Variants in ANK2 observed in about 807,000 individuals in gnomAD.
ANK2 encodes ankyrin 2, also known as ankyrin-2.
A neutral mutation model predicts 360.5 loss-of-function variants in ANK2; 83 were observed. The observed-to-expected ratio is 0.23, with a 90% CI of 0.19 to 0.28. The LOEUF (loss-of-function observed/expected upper bound fraction) is 0.28, where lower values mean the gene tolerates loss of function less well. Ranked by LOEUF, ANK2 falls within the 10% of genes least tolerant of loss-of-function variation. The probability of loss-of-function intolerance (pLI) is 1.00; values close to 1 mark genes in which losing one functional copy is unlikely to be tolerated. For synonymous variants in ANK2, 1,740 were observed against 1,759.5 expected (o/e 0.99, Z 0.28); for missense variants, 4,201 against 4,795.7 (o/e 0.88, Z 3.66).
At chr4:112,793,623 G>A in the ANK2 span, among the ~76,000 whole-genome samples, 508 of 151,212 alleles carry the variant, frequency 3.4e-3, 2 homozygotes, top group Admixed American at 7.6e-3. Flanking sequence ...AGACTGAAAT[G>A]TACTAAGAGA....
intron 1 of ANK2, among the ~76,000 whole-genome samples, chr4:112,902,660 G>A (rs1256210932): frequency 6.6e-6 from 1 of 152,184 alleles, no homozygotes; most frequent in Non-Finnish European, 1.5e-5. Context: ...CACCACATGC[G>A]AAGTGAACTA....
intron 2 of ANK2, among the ~76,000 whole-genome samples, chr4:112,951,834 A>C (rs576508566): frequency 2.6e-5 from 4 of 152,270 alleles, no homozygotes; most frequent in Non-Finnish European, 5.9e-5. Context: ...TTTAAATTAT[A>C]AATAGCTAAT....
Position 113,340,707 on chromosome 4 carries a change from GCAAAAAACAAACAAA to G in ANK2, c.3894-960_3894-946del, listed in dbSNP as rs1315853117. ...GACGTTGTCTCAAAAACAAAACAAA[GCAAAAAACAAACAAA>G]CAAAAAACAAACAAACAAAATCTAG... On this transcript the variant is annotated intron_variant, in intron 32 of 45. Coordinates refer to ENST00000357077, the MANE Select transcript of ANK2 (RefSeq NM_001148.6). Among the ~76,000 whole-genome samples the G allele has an allele frequency of 6.9e-5, 10 of 144,254 alleles. No individual in the cohort carries two copies. The South Asian group carries it at 8.5e-4, about 12-fold the overall frequency. 94.6% of individuals were successfully genotyped at this position (144,254 alleles called of 152,430 possible). A position where few individuals can be genotyped will look rare whatever the true frequency, so the allele number is the denominator to read the frequency against.
chr4:113,123,547 G>A (rs2095493384), intron 1 of ANK2, among the ~76,000 whole-genome samples: 1 of 152,050 alleles, frequency 6.6e-6, no homozygotes, highest in Admixed American at 6.6e-5. Context: ...CTCAAATTCT[G>A]GATTTCTGCA....
At chr4:113,337,714 A>C (rs1214689693) in intron 31 of ANK2, among the ~76,000 whole-genome samples, 1 of 152,116 alleles carries the variant, frequency 6.6e-6, no homozygotes, top group Non-Finnish European at 1.5e-5. Context: ...GAACCACGAG[A>C]TTATTCCATA....
intron 2 of ANK2, among the ~76,000 whole-genome samples, chr4:113,021,530 C>CCACCCACACACA (rs1554056654): frequency 1.5e-4 from 2 of 13,088 alleles, no homozygotes; most frequent in East Asian, 3.6e-3. Context: ...ACACACACAC[C>CCACCCACACACA]CACACACAAA....
the ANK2 span, among the ~76,000 whole-genome samples, chr4:112,723,469 T>C: frequency 6.6e-6 from 1 of 152,078 alleles, no homozygotes; most frequent in East Asian, 1.9e-4. Context: ...GTTCAAGCAA[T>C]TCTCCTGCCT....
intron 1 of ANK2, among the ~76,000 whole-genome samples, chr4:113,127,029 A>C (rs1481379673): frequency 6.6e-6 from 1 of 151,558 alleles, no homozygotes; most frequent in Non-Finnish European, 1.5e-5. Context: ...ATGATCTTTA[A>C]AAGTTTGTAA....
chr4:112,941,400 T>TA (rs1391350055), intron 2 of ANK2, among the ~76,000 whole-genome samples: 2 of 145,300 alleles, frequency 1.4e-5, no homozygotes, highest in African/African-American at 2.5e-5. Flanking sequence ...GTATGAACTA[T>TA]ATGAACCTAA....
chr4:113,156,739 A>G (rs967967573), intron 1 of ANK2, among the ~76,000 whole-genome samples: 1 of 151,412 alleles, frequency 6.6e-6, no homozygotes, highest in African/African-American at 2.4e-5. Context: ...TATGGTTGCT[A>G]ACCGTAATTT....
At chr4:113,198,375 T>A (rs2153401005) in intron 3 of ANK2, among the ~76,000 whole-genome samples, 1 of 152,210 alleles carries the variant, frequency 6.6e-6, no homozygotes, top group African/African-American at 2.4e-5. Context: ...TTTAATCACA[T>A]CATAGGTATT....
At position 113,354,355 on chromosome 4, in the gene ANK2, C is replaced by G; in HGVS notation, c.5737C>G (p.Arg1913Gly). 1 of 1,614,082 alleles carries G rather than the reference C, an allele frequency of 6.2e-7. No individual in the cohort carries two copies. The highest frequency in any genetic ancestry group is 8.5e-7 in the Non-Finnish European group (1 of 1,179,970). The change falls in exon 38 of 46, where the codon CGT becomes GGT. Residue 1913 changes from arginine (R) to glycine (G), a missense_variant. Physicochemically the swap from Arg to Gly is moderately radical, Grantham distance 125. This residue lies in a region of ANK2 where 2,642 missense variants were observed against 2,714.5 expected (regional missense o/e 0.97). Transcript: ENST00000357077. ...TTCGCCTTCAGGCAAAACAGACAAA[C>G]GTCCACCTGTATCGCCCTCCGGGAG... ...PVSPSGKTDKRPPVSPSGRTE... is the reference protein window; with the variant it reads ...PVSPSGKTDKGPPVSPSGRTE...
At chr4:113,296,442 T>A (rs2071491864) in intron 22 of ANK2, among the ~76,000 whole-genome samples, 1 of 152,184 alleles carries the variant, frequency 6.6e-6, no homozygotes, top group Admixed American at 6.5e-5. Flanking sequence ...ATGAATTGGA[T>A]TTGTATGATG....
chr4:112,923,006 G>A (rs919513741), intron 2 of ANK2, among the ~76,000 whole-genome samples: 3 of 152,044 alleles, frequency 2.0e-5, no homozygotes, highest in African/African-American at 7.2e-5. Context: ...AAAATACCTT[G>A]AATTTATTAT....
chr4:112,799,044 A>G, the ANK2 span, among the ~76,000 whole-genome samples: 1 of 152,162 alleles, frequency 6.6e-6, no homozygotes, highest in African/African-American at 2.4e-5. Flanking sequence ...TACTTTAGGT[A>G]CCTCATGTAA....
chr4:112,785,328 A>G, the ANK2 span, among the ~76,000 whole-genome samples: 1 of 152,072 alleles, frequency 6.6e-6, no homozygotes, highest in Non-Finnish European at 1.5e-5. Flanking sequence ...AGCTCTTGGC[A>G]GTAGTGGCTT....
intron 1 of ANK2, among the ~76,000 whole-genome samples, chr4:113,071,043 A>G (rs2077364297): frequency 6.6e-6 from 1 of 152,212 alleles, no homozygotes; most frequent in Non-Finnish European, 1.5e-5. Context: ...CTTAGAACAA[A>G]GTAACAGACA....
At chr4:112,958,598 G>C in intron 2 of ANK2, among the ~76,000 whole-genome samples, 1 of 151,942 alleles carries the variant, frequency 6.6e-6, no homozygotes, top group East Asian at 1.9e-4. Flanking sequence ...GAGAGGGAGA[G>C]GGAGACCGTG....
chr4:112,888,385 A>G (rs1205776966), intron 1 of ANK2, among the ~76,000 whole-genome samples: 2 of 152,186 alleles, frequency 1.3e-5, no homozygotes, highest in African/African-American at 4.8e-5. Flanking sequence ...CATATTTTGT[A>G]TAACTACTAC....
Sources: allele counts gnomAD v4.1 joint callset (sites outside exome capture counted in the v4.1 genomes callset), GRCh38; gene constraint gnomAD v4.1.1; regional missense constraint gnomAD v4.1.1; transcripts MANE v1.5; gene names NCBI Gene and HGNC (gene_info 2026-07-23, HGNC 2026-07-21).